COMMD10: variants seen among roughly 807,000 people sequenced by gnomAD.
COMMD10 encodes COMM domain containing 10.
A neutral mutation model predicts 28.9 loss-of-function variants in COMMD10; 33 were observed. The observed-to-expected ratio is 1.14, with a 90% confidence interval of 0.87 to 1.53. The LOEUF (loss-of-function observed/expected upper bound fraction) is 1.53. COMMD10 is among the 40% of genes most tolerant of loss of function. The pLI is 0.00. For missense variants in COMMD10, 310 were observed against 233.4 expected (o/e 1.33, Z -2.14); for synonymous variants, 110 against 81.7 (o/e 1.35, Z -1.87).
intron 5 of COMMD10, among the ~76,000 whole-genome samples, chr5:116,150,482 C>T (rs1266001713): frequency 6.6e-6 from 1 of 151,466 alleles, no homozygotes; most frequent in African/African-American, 2.4e-5. Flanking sequence ...ATTCTTCCTA[C>T]CCATGAGCAT....
intron 5 of COMMD10, among the ~76,000 whole-genome samples, chr5:116,235,856 G>A (rs1040621331): frequency 2.0e-5 from 3 of 152,024 alleles, no homozygotes; most frequent in African/African-American, 4.8e-5. Context: ...CATTCAGTTC[G>A]CTTGATACTT....
intron 4 of COMMD10, among the ~76,000 whole-genome samples, chr5:116,112,397 A>G (rs1561607038): frequency 6.6e-6 from 1 of 150,990 alleles, no homozygotes; most frequent in South Asian, 2.1e-4. Context: ...CATATAGTTG[A>G]TTTTTTTTCT....
intron 2 of COMMD10, among the ~76,000 whole-genome samples, chr5:116,088,468 G>A (rs1002487526): frequency 6.6e-6 from 1 of 152,132 alleles, no homozygotes; most frequent in African/African-American, 2.4e-5. Context: ...AAACAAAGAT[G>A]TATTATATTT....
At chr5:116,203,335 A>G (rs1748721252) in intron 5 of COMMD10, among the ~76,000 whole-genome samples, 1 of 152,158 alleles carries the variant, frequency 6.6e-6, no homozygotes. Flanking sequence ...TGTCCAGGAG[A>G]ACTTCCCCAA....
chr5:116,273,971 G>T (rs1248709746), intron 5 of COMMD10, among the ~76,000 whole-genome samples: 1 of 151,602 alleles, frequency 6.6e-6, no homozygotes, highest in Admixed American at 6.6e-5. Context: ...GATGATATCA[G>T]TCATTACTAA....
chr5:116,114,639 A>G (rs531693371), intron 4 of COMMD10, among the ~76,000 whole-genome samples: 53 of 152,320 alleles, frequency 3.5e-4, no homozygotes, highest in Middle Eastern at 3.4e-3. Context: ...GGCTTGTCCT[A>G]TGAAATGCTT....
chr5:116,242,547 T>A (rs545141235), intron 5 of COMMD10, among the ~76,000 whole-genome samples: 1 of 152,190 alleles, frequency 6.6e-6, no homozygotes, highest in Non-Finnish European at 1.5e-5. Flanking sequence ...GTTCAGTAGC[T>A]AGTGGCCTGC....
rs537211055 is a variant in COMMD10, at chr5:116,256,651, A to G, written c.511-34866A>G. On this transcript the variant is annotated intron_variant, in intron 5 of 6. Transcript: ENST00000274458. ...GATTTTGGATTTTTTCATATTTTGT[A>G]ATGTTTTCATACACGTAATGAGATA... 2.6e-5 allele frequency among the ~76,000 whole-genome samples: 4 copies of G among 151,896 alleles called. No individual in the cohort carries two copies. The South Asian group carries it at 8.3e-4, about 31-fold the overall frequency.
intron 2 of COMMD10, among the ~76,000 whole-genome samples, 177 bp from the exon 3 acceptor site, chr5:116,090,902 A>G (rs1750273161): frequency 6.6e-6 from 1 of 152,230 alleles, no homozygotes; most frequent in African/African-American, 2.4e-5. Context: ...TTTGTTTACA[A>G]AGGTCTAGAA....
At chr5:116,152,995 A>G (rs563188517) in intron 5 of COMMD10, among the ~76,000 whole-genome samples, 65 of 152,166 alleles carry the variant, frequency 4.3e-4, no homozygotes, top group Middle Eastern at 3.4e-3. Flanking sequence ...CCACTCAGGT[A>G]TTTTAGATTG....
intron 5 of COMMD10, among the ~76,000 whole-genome samples, chr5:116,161,163 G>A (rs1354635507): frequency 6.6e-6 from 1 of 152,034 alleles, no homozygotes; most frequent in Non-Finnish European, 1.5e-5. Flanking sequence ...CTAAATGTCT[G>A]AAAACTACTG....
intron 5 of COMMD10, among the ~76,000 whole-genome samples, chr5:116,246,957 A>G (rs1218514812): frequency 6.6e-6 from 1 of 152,184 alleles, no homozygotes; most frequent in East Asian, 1.9e-4. Context: ...CGATTGCAAC[A>G]AAAGCAAAAA....
At chr5:116,123,964 C>CT (rs1164967146) in intron 4 of COMMD10, among the ~76,000 whole-genome samples, 2 of 151,266 alleles carry the variant, frequency 1.3e-5, no homozygotes, top group Non-Finnish European at 2.9e-5. Context: ...CGCTTTTCTT[C>CT]TTTATTAATC....
intron 5 of COMMD10, among the ~76,000 whole-genome samples, chr5:116,178,510 G>T (rs186123429): frequency 6.6e-6 from 1 of 152,176 alleles, no homozygotes; most frequent in East Asian, 1.9e-4. Context: ...TGTATCTTGG[G>T]TATGCAAATG....
chr5:116,250,414 G>A (rs916762094), intron 5 of COMMD10, among the ~76,000 whole-genome samples: 2 of 151,226 alleles, frequency 1.3e-5, no homozygotes, highest in African/African-American at 4.9e-5. Flanking sequence ...CTGTTCTATG[G>A]GTTTACAGAG....
chr5:116,134,925 A>ATT (rs148751545), intron 5 of COMMD10, among the ~76,000 whole-genome samples: 2 of 151,890 alleles, frequency 1.3e-5, no homozygotes, highest in South Asian at 2.1e-4. Context: ...CCGGCCTACA[A>ATT]TTTTTTTTAT....
At chr5:116,232,698 G>A (rs971839632) in intron 5 of COMMD10, among the ~76,000 whole-genome samples, 11 of 151,978 alleles carry the variant, frequency 7.2e-5, no homozygotes, top group African/African-American at 1.9e-4. Context: ...GCAAGACTCC[G>A]TCTCAAAAAA....
At chr5:116,094,721 C>T (rs1355133872) in intron 4 of COMMD10, among the ~76,000 whole-genome samples, 1 of 152,172 alleles carries the variant, frequency 6.6e-6, no homozygotes, top group Non-Finnish European at 1.5e-5. Flanking sequence ...ATTTGTACCC[C>T]TGTGTTTGTT....
At chr5:116,190,536 A>G (rs764391649) in intron 5 of COMMD10, among the ~76,000 whole-genome samples, 1 of 152,162 alleles carries the variant, frequency 6.6e-6, no homozygotes, top group Non-Finnish European at 1.5e-5. Flanking sequence ...AACCCATTAC[A>G]CTGCTTTTTT....
Sources: gnomAD v4.1 joint callset for allele counts (sites outside exome capture counted in the v4.1 genomes callset) on GRCh38, gnomAD v4.1.1 for gene constraint, MANE v1.5 for transcripts, NCBI Gene and HGNC (gene_info 2026-07-23, HGNC 2026-07-21) for gene names.